ARHGEF10: variants seen among roughly 807,000 people sequenced by gnomAD.
ARHGEF10 encodes Rho guanine nucleotide exchange factor 10.
A neutral mutation model predicts 147.4 loss-of-function variants in ARHGEF10; 140 were observed. The ratio of observed to expected loss-of-function variants is 0.95; its 90% confidence interval spans 0.83 to 1.09. The LOEUF (loss-of-function observed/expected upper bound fraction) is 1.09. ARHGEF10 is among the 50% of genes least tolerant of loss of function. ARHGEF10 has a pLI of 0.00. For missense variants in ARHGEF10, 2,222 were observed against 1,752.7 expected (o/e 1.27, Z -4.78); for synonymous variants, 902 against 695.8 (o/e 1.30, Z -4.67).
At chr8:1,856,522 GGTT>G (rs1805565433) in intron 2 of ARHGEF10, among the ~76,000 whole-genome samples, 2 of 152,230 alleles carry the variant, frequency 1.3e-5, no homozygotes, top group African/African-American at 4.8e-5. Context: ...CAAATTTAAA[GGTT>G]GTTTTTAGAC....
In ARHGEF10 at chr8:1,909,419, C is replaced by T. The variant is rs141968995; in HGVS notation, c.2092C>T (p.Leu698Phe). Residue 698 changes from leucine (L) to phenylalanine (F), a missense_variant, in exon 18 of 29, where the codon CTT becomes TTT. Leu to Phe is a conservative substitution (Grantham distance 22, BLOSUM62 0). Coordinates refer to ENST00000349830, the MANE Select transcript of ARHGEF10 (RefSeq NM_014629.4). ...SAGTGEHSRH[L>F]AVHPPESLAV... ...AGGCACGGGCGAGCACAGCAGGCAC[C>T]TTGCCGTTCACCCGCCGGAGAGCCT... 1.2e-6 allele frequency: 2 copies of T among 1,614,146 alleles called. No individual in the cohort carries two copies. The highest frequency in any genetic ancestry group is 1.7e-6 in the Non-Finnish European group (2 of 1,180,046).
intron 26 of ARHGEF10, among the ~76,000 whole-genome samples, chr8:1,936,248 C>T (rs1813593933): frequency 6.6e-6 from 1 of 152,184 alleles, no homozygotes. Flanking sequence ...GGCACAGCGG[C>T]TCACACCTGT....
chr8:1,873,095 C>T (rs1012790943), intron 7 of ARHGEF10, among the ~76,000 whole-genome samples: 2 of 152,228 alleles, frequency 1.3e-5, no homozygotes, highest in African/African-American at 4.8e-5. Flanking sequence ...CCCAGTGTGT[C>T]CCCTTTGTAA....
rs988248398 is a variant in ARHGEF10 at position 1,856,399 on chromosome 8, C to T, written c.38-1561C>T. On this transcript the variant is annotated intron_variant, in intron 2 of 28. Transcript: ENST00000349830. The stretch of plus-strand genomic sequence containing the variant: ...GGTAGCTGGATCCAGTTCACGCTGT[C>T]GTGGGCCTGGGCCCCTCTGTGTATT... 3.9e-5 allele frequency among the ~76,000 whole-genome samples: 6 copies of T among 152,190 alleles called. No individual in the cohort carries two copies. The East Asian group carries it at 5.8e-4, about 15-fold the overall frequency.
intron 25 of ARHGEF10, among the ~76,000 whole-genome samples, 158 bp from the exon 26 acceptor site, chr8:1,933,642 A>G (rs1813331648): frequency 6.6e-6 from 1 of 152,168 alleles, no homozygotes; most frequent in Admixed American, 6.5e-5. Context: ...GGTGGGTGTC[A>G]GCTTGTCGAT....
At chr8:1,951,602 T>A (rs913123868) in intron 27 of ARHGEF10, among the ~76,000 whole-genome samples, 1 of 152,208 alleles carries the variant, frequency 6.6e-6, no homozygotes, top group Admixed American at 6.5e-5. Flanking sequence ...AGATGAACTT[T>A]GGGTCAAATG....
intron 28 of ARHGEF10, among the ~76,000 whole-genome samples, chr8:1,954,053 T>C (rs1815281662): frequency 6.6e-6 from 1 of 152,224 alleles, no homozygotes; most frequent in African/African-American, 2.4e-5. Flanking sequence ...TTGTACATGT[T>C]GAGGACCCCA....
chr8:1,893,684 A>T (rs1217250130), intron 12 of ARHGEF10, 38 bp downstream of exon 12: 1 of 1,395,028 alleles, frequency 7.2e-7, no homozygotes, highest in African/African-American at 1.4e-5. Flanking sequence ...ATACATTTCT[A>T]TTATTCTTTT....
intron 5 of ARHGEF10, among the ~76,000 whole-genome samples, chr8:1,865,139 C>G (rs985526085): frequency 1.5e-4 from 23 of 152,166 alleles, no homozygotes; most frequent in African/African-American, 5.5e-4. Flanking sequence ...TTTTAGGTAA[C>G]TTTTTGTTTT....
At chr8:1,847,795 A>G (rs1053468485) in intron 2 of ARHGEF10, among the ~76,000 whole-genome samples, 2 of 152,246 alleles carry the variant, frequency 1.3e-5, no homozygotes, top group Non-Finnish European at 2.9e-5. Context: ...CTTCATTCAA[A>G]ATAAGAGAAA....
chr8:1,907,908 A>T (rs1484629162), intron 17 of ARHGEF10, among the ~76,000 whole-genome samples: 1 of 152,204 alleles, frequency 6.6e-6, no homozygotes, highest in Non-Finnish European at 1.5e-5. Context: ...TTAAGATTCT[A>T]AACCTCCTCT....
At position 1,892,278 on chromosome 8, in the gene ARHGEF10, TG is replaced by T. The variant is rs1809596619; in HGVS notation, c.1183-1290del. On this transcript the variant is annotated intron_variant, in intron 11 of 28. Coordinates refer to ENST00000349830, the MANE Select transcript of ARHGEF10 (RefSeq NM_014629.4). ...GCTGCAGCTTCCCAGCTTCTGGCTC[TG>T]TGTGTGTGTGTGTGTGTGTGTGTGT... Among the ~76,000 whole-genome samples, 4 of 3,186 alleles carry T rather than the reference TG, an allele frequency of 1.3e-3. No individual in the cohort carries two copies. The Admixed American group carries it at 0.013, about 10-fold the overall frequency. The allele number at this position is 3,186 out of a possible 152,430, so 2.1% of individuals were successfully genotyped here.
chr8:1,927,959 A>G (rs1345972134), intron 23 of ARHGEF10, among the ~76,000 whole-genome samples: 1 of 152,150 alleles, frequency 6.6e-6, no homozygotes, highest in African/African-American at 2.4e-5. Context: ...AAAAAAAAAG[A>G]AATTCCACAG....
chr8:1,825,557 G>A (rs955180818), intron 1 of ARHGEF10, among the ~76,000 whole-genome samples: 1 of 150,100 alleles, frequency 6.7e-6, no homozygotes, highest in African/African-American at 2.5e-5. Context: ...AAGAAGCCAA[G>A]GTAGATTCTG....
Position 1,936,622 on chromosome 8 carries a change from A to G in ARHGEF10, c.3222+2680A>G, listed in dbSNP as rs966371533. ...GCCTCTGAAGACGTTCTAATGACTA[A>G]ATCTACACAAATCCAGAAAGAAATG... On this transcript the variant is annotated intron_variant, in intron 26 of 28. Coordinates refer to ENST00000349830, the MANE Select transcript of ARHGEF10 (RefSeq NM_014629.4). 2.7e-4 allele frequency among the ~76,000 whole-genome samples: 41 copies of G among 151,650 alleles called. 1 individual carries two copies. Among genetic ancestry groups the G allele is most frequent in the African/African-American group, 9.2e-4 (38 of 41,198 alleles).
chr8:1,928,348 C>CT (rs1812841611), intron 23 of ARHGEF10, 79 bp from the exon 24 acceptor site: 2 of 1,350,754 alleles, frequency 1.5e-6, no homozygotes, highest in South Asian at 2.3e-5. Flanking sequence ...TTGTCGTGGC[C>CT]TTTAAGGGTC....
At chr8:1,913,161 GCCC>G (rs1811504759) in intron 18 of ARHGEF10, among the ~76,000 whole-genome samples, 1 of 152,126 alleles carries the variant, frequency 6.6e-6, no homozygotes, top group Admixed American at 6.5e-5. Flanking sequence ...GTGGCGCATA[GCCC>G]CACCTTTGGG....
chr8:1,896,215 A>G, intron 13 of ARHGEF10, 118 bp from the exon 14 acceptor site: 1 of 852,408 alleles, frequency 1.2e-6, no homozygotes, highest in Non-Finnish European at 2.0e-6. Flanking sequence ...TTATCTTATG[A>G]AAACATCACA....
intron 5 of ARHGEF10, among the ~76,000 whole-genome samples, chr8:1,864,896 C>T (rs985663336): frequency 3.3e-5 from 5 of 152,180 alleles, no homozygotes; most frequent in Admixed American, 3.3e-4. Flanking sequence ...TTAGAAATTG[C>T]AGATTTTATG....
Sources: gnomAD v4.1 joint callset for allele counts (sites outside exome capture counted in the v4.1 genomes callset) on GRCh38, gnomAD v4.1.1 for gene constraint, MANE v1.5 for transcripts, NCBI Gene and HGNC (gene_info 2026-07-23, HGNC 2026-07-21) for gene names.